Variants in DSCAM observed in about 807,000 individuals in gnomAD.
DSCAM encodes the protein DS cell adhesion molecule.
DSCAM carries 47 observed loss-of-function variants against 217.7 expected under a neutral mutation model. That is an observed-to-expected ratio of 0.22 (90% CI 0.17 to 0.28). DSCAM has a LOEUF of 0.28. Among genes scored for constraint, DSCAM ranks in the 10% least tolerant of loss-of-function variants. The pLI is 1.00. For synonymous variants in DSCAM, 1,056 were observed against 1,015.3 expected, an observed-to-expected ratio of 1.04 and a Z score of -0.76; for missense variants, 2,080 against 2,618.3, an observed-to-expected ratio of 0.79 and a Z score of 4.49.
At chr21:40,805,364 A>G (rs1357493563) in intron 1 of DSCAM, among the ~76,000 whole-genome samples, 2 of 152,096 alleles carry the variant, frequency 1.3e-5, no homozygotes, top group African/African-American at 2.4e-5. Flanking sequence ...CATGAGGCTG[A>G]CCAGTAATCA....
intron 1 of DSCAM, among the ~76,000 whole-genome samples, chr21:40,796,938 T>A (rs1157127544): frequency 6.6e-6 from 1 of 152,108 alleles, no homozygotes; most frequent in Non-Finnish European, 1.5e-5. Flanking sequence ...ATCAGAGGGG[T>A]AGAAACAATG....
chr21:40,678,570 C>T lies in DSCAM; in HGVS notation c.508+14240G>A, dbSNP rs555226551. Among the ~76,000 whole-genome samples, 18 of 152,204 alleles carry T rather than the reference C, an allele frequency of 1.2e-4. No individual in the cohort carries two copies. The East Asian group carries it at 3.1e-3, about 26-fold the overall frequency. On this transcript the variant is annotated intron_variant, in intron 3 of 32. Transcript: ENST00000400454. ...TTGGCTCAGCAGCTGTCATTTTTGC[C>T]ATCCCTTTCCCCCATGTAACCTTTC...
intron 3 of DSCAM, among the ~76,000 whole-genome samples, chr21:40,563,855 TTTATATGTTTATATATAG>T (rs2076745722): frequency 1.3e-5 from 2 of 150,498 alleles, no homozygotes; most frequent in Admixed American, 6.6e-5. Flanking sequence ...TTTATATATG[TTTATATGTTTATATATAG>T]TTATATGTTT....
chr21:40,360,116 A>G lies in DSCAM; in HGVS notation c.656-6373T>C, dbSNP rs1325736256. ...TCAGGTAGTGAGCATGGTACTTCAT[A>G]GGTAGTCTTTTTTTTTTTTTTTTTT... On this transcript the variant is annotated intron_variant, in intron 4 of 32. Coordinates refer to ENST00000400454, the MANE Select transcript of DSCAM (RefSeq NM_001389.5). 1.2e-4 allele frequency among the ~76,000 whole-genome samples: 16 copies of G among 133,536 alleles called. 3 individuals are homozygous for G. In the South Asian group the frequency reaches 3.0e-3, roughly 25 times the overall value. 87.6% of individuals were successfully genotyped at this position (133,536 alleles called of 152,430 possible). A position where few individuals can be genotyped will look rare whatever the true frequency, so the allele number is the denominator to read the frequency against.
At chr21:40,070,035 T>G (rs1005326792) in intron 27 of DSCAM, among the ~76,000 whole-genome samples, 1 of 152,032 alleles carries the variant, frequency 6.6e-6, no homozygotes, top group Non-Finnish European at 1.5e-5. Context: ...TCCCCTCCAC[T>G]GGTAGCCCTC....
At chr21:40,779,032 GAAAAAAAAAAA>G (rs772208075) in intron 1 of DSCAM, among the ~76,000 whole-genome samples, 1 of 45,536 alleles carries the variant, frequency 2.2e-5, no homozygotes, top group Non-Finnish European at 3.9e-5. Context: ...CTCAAAAACA[GAAAAAAAAAAA>G]AAAAAAAAAA....
chr21:40,555,152 A>G (rs1344017471), intron 3 of DSCAM, among the ~76,000 whole-genome samples: 1 of 152,202 alleles, frequency 6.6e-6, no homozygotes, highest in Non-Finnish European at 1.5e-5. Flanking sequence ...ACTTTCCAGA[A>G]AGCCTGATGA....
chr21:40,663,268 G>GT lies in DSCAM; in HGVS notation c.508+29541_508+29542insA, dbSNP rs113634212. On this transcript the variant is annotated intron_variant, in intron 3 of 32. Transcript: ENST00000400454. ...TGAGTGTATGTCAAAGTGTGTGTGT[G>GT]GGGGGGGTGTATATGTGTGTGTGTG... 5.6e-3 allele frequency among the ~76,000 whole-genome samples: 241 copies of GT among 42,750 alleles called. 2 individuals carry two copies. The highest frequency in any genetic ancestry group is 0.014 in the African/African-American group (203 of 14,268). The allele number at this position is 42,750 out of a possible 152,430, so 28.0% of individuals were successfully genotyped here.
At chr21:40,354,827 TGAAA>T (rs1368140797) in intron 4 of DSCAM, among the ~76,000 whole-genome samples, 1 of 126,430 alleles carries the variant, frequency 7.9e-6, no homozygotes, top group East Asian at 2.2e-4. Context: ...CCGGCCTGGG[TGAAA>T]GAGAGAAACT....
At chr21:40,524,380 CT>C (rs1415819477) in intron 3 of DSCAM, among the ~76,000 whole-genome samples, 2 of 151,970 alleles carry the variant, frequency 1.3e-5, no homozygotes, top group Admixed American at 6.6e-5. Context: ...TAAACTTGTC[CT>C]TTTTCTTTGC....
At chr21:40,709,268 C>T (rs2090751234) in intron 1 of DSCAM, among the ~76,000 whole-genome samples, 1 of 152,172 alleles carries the variant, frequency 6.6e-6, no homozygotes, top group Non-Finnish European at 1.5e-5. Flanking sequence ...GCTCTCTTTA[C>T]TAGCTTCACT....
At chr21:40,657,316 C>A (rs1238192730) in intron 3 of DSCAM, among the ~76,000 whole-genome samples, 2 of 152,140 alleles carry the variant, frequency 1.3e-5, no homozygotes, top group Admixed American at 1.3e-4. Context: ...TGAGCTGACA[C>A]AAGGAATATA....
intron 8 of DSCAM, among the ~76,000 whole-genome samples, chr21:40,318,317 C>A (rs573703042): frequency 1.1e-4 from 16 of 142,982 alleles, no homozygotes; most frequent in African/African-American, 4.3e-4. Context: ...CACATGTACC[C>A]TAAAACTTAA....
intron 11 of DSCAM, among the ~76,000 whole-genome samples, chr21:40,204,290 T>C (rs1296390789): frequency 6.6e-6 from 1 of 152,198 alleles, no homozygotes; most frequent in Non-Finnish European, 1.5e-5. Flanking sequence ...TGTGCCTGTG[T>C]GCATGTGTTT....
At chr21:40,559,052 C>A (rs990222) in intron 3 of DSCAM, among the ~76,000 whole-genome samples, 5,474 of 152,214 alleles carry the variant, frequency 0.036, 329 homozygotes, top group African/African-American at 0.12. Context: ...CATAATGAAA[C>A]AAAGTTTGAA....
chr21:40,167,814 C>T (rs2090613917), intron 15 of DSCAM, among the ~76,000 whole-genome samples: 1 of 152,124 alleles, frequency 6.6e-6, no homozygotes, highest in South Asian at 2.1e-4. Flanking sequence ...CGCCTGTAAT[C>T]CCAGCACTCT....
At chr21:40,143,574 G>T (rs965828196) in intron 17 of DSCAM, among the ~76,000 whole-genome samples, 9 of 152,152 alleles carry the variant, frequency 5.9e-5, no homozygotes, top group Non-Finnish European at 1.3e-4. Context: ...GGCAGATCAC[G>T]AGGTCAGGAG....
At chr21:40,700,663 A>C (rs1336146216) in intron 2 of DSCAM, among the ~76,000 whole-genome samples, 1 of 151,740 alleles carries the variant, frequency 6.6e-6, no homozygotes, top group Non-Finnish European at 1.5e-5. Context: ...AACTTCATAA[A>C]ATGATTTGGG....
chr21:40,332,238 T>A (rs1044271499), intron 8 of DSCAM, among the ~76,000 whole-genome samples: 3 of 152,226 alleles, frequency 2.0e-5, no homozygotes, highest in Admixed American at 6.5e-5. Context: ...GGGTTCTTTG[T>A]ATTCATTTCT....
Sources: gnomAD v4.1 joint callset for allele counts (sites outside exome capture counted in the v4.1 genomes callset) on GRCh38, gnomAD v4.1.1 for gene constraint, MANE v1.5 for transcripts, NCBI Gene and HGNC (gene_info 2026-07-23, HGNC 2026-07-21) for gene names.